Variants in EPHA1 observed in about 807,000 individuals in gnomAD.
The protein encoded by EPHA1 is EPH receptor A1, also known as ephrin type-A receptor 1.
In EPHA1, 92 loss-of-function variants were observed where a neutral mutation model predicts 110.1. The observed-to-expected ratio is 0.84, with a 90% confidence interval of 0.71 to 0.99. The LOEUF is 0.99. Ranked by LOEUF, EPHA1 falls within the 50% of genes least tolerant of loss-of-function variation. The probability of loss-of-function intolerance (pLI) is 0.00; values close to 1 mark genes in which losing one functional copy is unlikely to be tolerated. For synonymous variants in EPHA1, 500 were observed against 516.1 expected (o/e 0.97, Z 0.42); for missense variants, 1,204 against 1,285.4 (o/e 0.94, Z 0.97).
chr7:143,393,589 C>T lies in EPHA1; in HGVS notation c.2696+82G>A, dbSNP rs1805149114. 6.7e-7 allele frequency: 1 copy of T among 1,503,716 alleles called. No individual in the cohort carries two copies. 93.1% of individuals were successfully genotyped at this position (1,503,716 alleles called of 1,614,324 possible). A position where few individuals can be genotyped will look rare whatever the true frequency, so the allele number is the denominator to read the frequency against. ...GGTCCAGAGCTCCCCAGGCCCAGCG[C>T]TCAAAGAAGATTGGCTGAATGCCCA... On this transcript the variant is annotated intron_variant, in intron 16 of 17. Transcript: ENST00000275815. This position sits in a 1 kb window ranked among gnomAD's most constrained non-coding sequence, Gnocchi z 5.6.
chr7:143,396,575 A>G, intron 10 of EPHA1, 65 bp from the exon 11 acceptor site: 1 of 1,581,594 alleles, frequency 6.3e-7, no homozygotes, highest in Non-Finnish European at 8.6e-7. Flanking sequence ...GGGTCAGGAG[A>G]AGGGCCAGCA....
rs2116615669 is a variant in EPHA1 at position 143,395,005 on chromosome 7, C to T, written c.2155G>A (p.Asp719Asn). ...ALDAFLRERE[D>N]QLVPGQLVAM... Reference sequence around the variant, plus strand: ...ACTAGCTGCCCAGGGACCAGCTGGTCCTCCCGCTCCTGCAGCAGGGTGAGT... The same window carrying T: ...ACTAGCTGCCCAGGGACCAGCTGGTTCTCCCGCTCCTGCAGCAGGGTGAGT... Residue 719 changes from aspartate (D) to asparagine (N), a missense_variant, in exon 14 of 18, where the codon GAC becomes AAC. Coordinates refer to ENST00000275815, the MANE Select transcript of EPHA1 (RefSeq NM_005232.5). The surrounding 1 kb of genome is among the most constrained non-coding windows in gnomAD (Gnocchi z 4.7). 1 of 1,614,022 alleles carries T rather than the reference C, an allele frequency of 6.2e-7. No individual in the cohort carries two copies. Among genetic ancestry groups the T allele is most frequent in the Non-Finnish European group, 8.5e-7 (1 of 1,180,014 alleles).
intron 10 of EPHA1, 147 bp downstream of exon 10, chr7:143,397,157 G>T: frequency 1.1e-6 from 1 of 943,204 alleles, no homozygotes; most frequent in Non-Finnish European, 1.5e-6. Flanking sequence ...AGAGCCCTGG[G>T]GACAACAAAC....
intron 2 of EPHA1, among the ~76,000 whole-genome samples, chr7:143,405,662 G>A (rs1805530069): frequency 6.6e-6 from 1 of 152,198 alleles, no homozygotes; most frequent in Admixed American, 6.5e-5. Context: ...GGAGCCAGAA[G>A]TCTGACCTGC....
chr7:143,393,763 G>T lies in EPHA1; in HGVS notation c.2604C>A (p.Ala868=). Residue 868 remains alanine, a synonymous_variant, in exon 16 of 18, where the codon GCC becomes GCA. Coordinates refer to ENST00000275815, the MANE Select transcript of EPHA1 (RefSeq NM_005232.5). This position sits in a 1 kb window ranked among gnomAD's most constrained non-coding sequence, Gnocchi z 5.6. ...LMKNCWAYDR[A]RRPHFQKLQA... is the part of the protein sequence containing the mutation. Reference sequence around the variant, plus strand: ...GAAGCTTCTGGAAGTGTGGCCGGCGGGCACGGTCATATGCCCAGCAGTTCT... The same window carrying T: ...GAAGCTTCTGGAAGTGTGGCCGGCGTGCACGGTCATATGCCCAGCAGTTCT... 6.2e-7 allele frequency: 1 copy of T among 1,613,440 alleles called. No individual in the cohort carries two copies. The highest frequency in any genetic ancestry group is 8.5e-7 in the Non-Finnish European group (1 of 1,179,734).
rs774402556 is a variant in EPHA1, at chr7:143,398,743, C to G, written c.1194G>C (p.Gly398=). 16 of 1,613,780 alleles carry G rather than the reference C, an allele frequency of 9.9e-6. 1 individual carries two copies. The South Asian group carries it at 1.8e-4, about 18-fold the overall frequency. ...VGVHFSPGAR[G]LTTPAVHVNG... ...TGACATGCACTGCAGGTGTGGTGAGCCCCCGGGCCCCCGGCGAGAAGTGCA... is the reference window on the plus strand; with the variant it reads ...TGACATGCACTGCAGGTGTGGTGAGGCCCCGGGCCCCCGGCGAGAAGTGCA... The change falls in exon 6 of 18, where the codon GGG becomes GGC. Residue 398 remains glycine (G), a synonymous_variant. Coordinates refer to ENST00000275815, the MANE Select transcript of EPHA1 (RefSeq NM_005232.5).
intron 3 of EPHA1, among the ~76,000 whole-genome samples, chr7:143,400,548 G>GT (rs1233551412): frequency 3.3e-5 from 5 of 152,264 alleles, no homozygotes; most frequent in African/African-American, 7.2e-5. Context: ...ATCCCAGGAT[G>GT]TTTTTTTGAG....
Position 143,391,294 on chromosome 7 carries a change from G to C in EPHA1, c.*163C>G, listed in dbSNP as rs1265878434. On this transcript the variant is annotated 3_prime_UTR_variant, in exon 18 of 18. Coordinates refer to ENST00000275815, the MANE Select transcript of EPHA1 (RefSeq NM_005232.5). ...CCCCACCTCCCTTTTAAAACAAAGA[G>C]GTTTTCTGGGGTGCAGAGCAGGGTT... The C allele has an allele frequency of 5.1e-6, 4 of 781,122 alleles. No individual in the cohort carries two copies. Among genetic ancestry groups the C allele is most frequent in the Non-Finnish European group, 8.2e-6 (4 of 490,090 alleles). The allele number at this position is 781,122 out of a possible 1,614,324, so 48.4% of individuals were successfully genotyped here. A position where few individuals can be genotyped will look rare whatever the true frequency, so the allele number is the denominator to read the frequency against.
intron 11 of EPHA1, 76 bp downstream of exon 11, chr7:143,396,309 G>C: frequency 1.3e-6 from 2 of 1,544,908 alleles, no homozygotes; most frequent in South Asian, 2.4e-5. Flanking sequence ...GGAAGCGCTG[G>C]AAGGAAGGGG....
chr7:143,404,980 C>CAAAA (rs11331186), intron 2 of EPHA1, among the ~76,000 whole-genome samples: 1 of 147,034 alleles, frequency 6.8e-6, no homozygotes. Context: ...TGGGAAAAGG[C>CAAAA]AAAAAAAAAA....
At chr7:143,403,169 C>T (rs1308575657) in intron 2 of EPHA1, among the ~76,000 whole-genome samples, 1 of 152,138 alleles carries the variant, frequency 6.6e-6, no homozygotes, top group Non-Finnish European at 1.5e-5. Flanking sequence ...GAGTTCGAGA[C>T]CAGCTTGGCC....
chr7:143,405,429 A>ATGTGTG (rs200170882), intron 2 of EPHA1, among the ~76,000 whole-genome samples: 1 of 108,708 alleles, frequency 9.2e-6, no homozygotes, highest in African/African-American at 3.3e-5. Context: ...CTGCGTGTGC[A>ATGTGTG]TGTGTGCGTG....
In EPHA1 at chr7:143,394,896, A is replaced by T; in HGVS notation, c.2264T>A (p.Ile755Asn). The T allele has an allele frequency of 6.2e-7, 1 of 1,614,036 alleles. No individual in the cohort carries two copies. Among genetic ancestry groups the T allele is most frequent in the Non-Finnish European group, 8.5e-7 (1 of 1,180,006 alleles). Residue 755 changes from isoleucine to asparagine, a missense_variant, in exon 14 of 18, where the codon ATC (isoleucine) becomes AAC (asparagine). Physicochemically the swap from Ile to Asn is moderately radical, Grantham distance 149. Transcript: ENST00000275815. ...GCAGCACAGGTTTTGATTCACCAAGATGTTTCTGGCAGCCAGGTCCCGGTG... is the reference window on the plus strand; with the variant it reads ...GCAGCACAGGTTTTGATTCACCAAGTTGTTTCTGGCAGCCAGGTCCCGGTG... ...YVHRDLAARN[I>N]LVNQNLCCKV...
Position 143,398,943 on chromosome 7 carries a change from G to T in EPHA1, c.994C>A (p.Pro332Thr), listed in dbSNP as rs781511591. ...GEGPQVACTG[P>T]PSAPRNLSFS... ...CTCAGGTTTCGGGGGGCCGAGGGGG[G>T]ACCTGTGGGAGAAGAGGAGCCATCA... is the stretch of plus-strand genomic sequence containing the variant. Residue 332 changes from proline to threonine, a missense_variant and splice_region_variant, in exon 6 of 18, where the codon CCC (proline) becomes ACC (threonine). Physicochemically the swap from Pro to Thr is conservative, Grantham distance 38. Coordinates refer to ENST00000275815, the MANE Select transcript of EPHA1 (RefSeq NM_005232.5). 16 of 1,595,726 alleles carry T rather than the reference G, an allele frequency of 1.0e-5. No individual in the cohort carries two copies. The highest frequency in any genetic ancestry group is 1.4e-5 in the Non-Finnish European group (16 of 1,170,630).
Position 143,399,686 on chromosome 7 carries a change from C to T in EPHA1, c.800G>A (p.Gly267Asp), listed in dbSNP as rs779796093. The T allele has an allele frequency of 7.4e-6, 12 of 1,613,584 alleles. No individual in the cohort carries two copies. Among genetic ancestry groups the T allele is most frequent in the African/African-American group, 1.3e-5 (1 of 74,930 alleles). The change falls in exon 4 of 18, where the codon GGC becomes GAC. Residue 267 changes from glycine (G) to aspartate (D), a missense_variant. Transcript: ENST00000275815. ...VPVGRCHCEPGYEEGGSGEAC... is the reference protein window; with the variant it reads ...VPVGRCHCEPDYEEGGSGEAC... ...TTCGCCACTGCCACCTTCCTCATAG[C>T]CAGGCTCACAGTGGCACCGTCCTAC...
At position 143,395,484 on chromosome 7, in the gene EPHA1, G is replaced by C. The variant is rs112723648; in HGVS notation, c.1918C>G (p.Arg640Gly). 1 of 1,614,040 alleles carries C rather than the reference G, an allele frequency of 6.2e-7. No individual in the cohort carries two copies. Among genetic ancestry groups the C allele is most frequent in the Non-Finnish European group, 8.5e-7 (1 of 1,180,044 alleles). Residue 640 changes from arginine (R) to glycine (G), a missense_variant, in exon 12 of 18, where the codon CGA (arginine) becomes GGA (glycine). Transcript: ENST00000275815. This position sits in a 1 kb window ranked among gnomAD's most constrained non-coding sequence, Gnocchi z 4.7. ...IGEGEFGEVY[R>G]GTLRLPSQDC... ...TGGCTGGGGAGCCTCAGGGTCCCTC[G>C]ATACACTTCCCCAAACTCTCCTGGG...
rs1300780155 is a variant in EPHA1, at chr7:143,393,179, C to T, written c.2696+492G>A. On this transcript the variant is annotated intron_variant, in intron 16 of 17. Coordinates refer to ENST00000275815, the MANE Select transcript of EPHA1 (RefSeq NM_005232.5). This position sits in a 1 kb window ranked among gnomAD's most constrained non-coding sequence, Gnocchi z 5.6. Reference sequence around the variant, plus strand: ...AAGGCTGCTGCTACCTACCCCACCCCAGCCTGGCTGCCCAAGCTCCCTGGA... The same window carrying T: ...AAGGCTGCTGCTACCTACCCCACCCTAGCCTGGCTGCCCAAGCTCCCTGGA... Among the ~76,000 whole-genome samples the T allele has an allele frequency of 2.0e-5, 3 of 152,196 alleles. No individual in the cohort carries two copies. Among genetic ancestry groups the T allele is most frequent in the Admixed American group, 1.3e-4 (2 of 15,292 alleles).
At chr7:143,396,571 G>A (rs1805258479) in intron 10 of EPHA1, 61 bp from the exon 11 acceptor site, 1 of 1,588,678 alleles carries the variant, frequency 6.3e-7, no homozygotes, top group Admixed American at 1.7e-5. Context: ...ATGGGGGTCA[G>A]GAGAAGGGCC....
intron 16 of EPHA1, among the ~76,000 whole-genome samples, chr7:143,392,955 AAAC>A (rs776272472): frequency 3.6e-4 from 55 of 152,142 alleles, no homozygotes; most frequent in African/African-American, 7.7e-4. Context: ...GTGGAAAAAA[AAAC>A]AACAACTCTG....
Sources: allele counts gnomAD v4.1 joint callset (sites outside exome capture counted in the v4.1 genomes callset), GRCh38; gene constraint gnomAD v4.1.1; non-coding constraint Gnocchi (gnomAD v3.1); transcripts MANE v1.5; gene names NCBI Gene and HGNC (gene_info 2026-07-23, HGNC 2026-07-21).